The following JCAD variants were observed in gnomAD, a reference collection of about 807,000 sequenced individuals.
JCAD encodes the protein junctional cadherin 5-associated protein.
Under a neutral mutation model 98.0 loss-of-function variants are expected in JCAD, and 40 were observed. That is an observed-to-expected ratio of 0.41 (90% CI 0.32 to 0.53). JCAD has a LOEUF of 0.53. Ranked by LOEUF, JCAD falls within the 20% of genes least tolerant of loss-of-function variation. The pLI is 0.31. For synonymous variants in JCAD, 691 were observed against 682.3 expected (o/e 1.01, Z -0.20); for missense variants, 1,705 against 1,738.1 (o/e 0.98, Z 0.34).
intron 1 of JCAD, among the ~76,000 whole-genome samples, chr10:30,053,581 A>G (rs1837511942): frequency 6.6e-6 from 1 of 151,426 alleles, no homozygotes; most frequent in African/African-American, 2.4e-5. Context: ...AAAAGAAAAG[A>G]AAAGAAAAGA....
chr10:30,058,723 GCAGAGACC>G (rs1837634231), intron 1 of JCAD, among the ~76,000 whole-genome samples: 1 of 152,028 alleles, frequency 6.6e-6, no homozygotes, highest in African/African-American at 2.4e-5. Context: ...AGATCTGAGC[GCAGAGACC>G]CTAGGAGGGC....
At chr10:30,060,110 T>TACACAC (rs3074761), upstream of JCAD, among the ~76,000 whole-genome samples, 15 of 150,084 alleles carry the variant, frequency 1.0e-4, no homozygotes, top group African/African-American at 3.4e-4. Context: ...AGTATGGCTA[T>TACACAC]ACACACACAC....
At position 30,027,554 on chromosome 10, in the gene JCAD, T is replaced by G. The variant is rs375620035; in HGVS notation, c.2594A>C (p.Glu865Ala). 3 of 1,613,824 alleles carry G rather than the reference T, an allele frequency of 1.9e-6. No individual in the cohort carries two copies. The highest frequency in any genetic ancestry group is 1.3e-5 in the African/African-American group (1 of 74,940). ...GTGAGCACGGTTCTCCTGCTGCGGCTCCGCCTCACTCTCCTCACTGCTGCT... is the reference window on the plus strand; with the variant it reads ...GTGAGCACGGTTCTCCTGCTGCGGCGCCGCCTCACTCTCCTCACTGCTGCT... ...SSSSSEESEA[E>A]PQQENRAHCR... Residue 865 changes from glutamate (E) to alanine (A), a missense_variant, in exon 3 of 4, where the codon GAG becomes GCG. Transcript: ENST00000375377.
chr10:30,052,305 C>G (rs1250378215), intron 1 of JCAD, among the ~76,000 whole-genome samples: 1 of 152,212 alleles, frequency 6.6e-6, no homozygotes, highest in Non-Finnish European at 1.5e-5. Context: ...GGGTCTCAGT[C>G]TTCTCCTGAA....
At chr10:30,078,331 G>A (rs1222262343) in intron 1 of JCAD, among the ~76,000 whole-genome samples, 16 of 152,206 alleles carry the variant, frequency 1.1e-4, no homozygotes, top group Admixed American at 1.0e-3. Context: ...GATTGGAATT[G>A]AAGGAAGGCA....
chr10:30,026,912 C>T lies in JCAD; in HGVS notation c.3236G>A (p.Gly1079Asp), dbSNP rs745723800. 3.7e-5 allele frequency: 59 copies of T among 1,614,004 alleles called. No homozygotes were observed. Among genetic ancestry groups the T allele is most frequent in the Non-Finnish European group, 4.3e-5 (51 of 1,180,020 alleles). ...TGCAGCCCTGGCTTGCAAGGACTCACCTGGGGGGATTTCTATTGTGCTTGC... is the reference window on the plus strand; with the variant it reads ...TGCAGCCCTGGCTTGCAAGGACTCATCTGGGGGGATTTCTATTGTGCTTGC... Reference protein sequence around the residue: ...GEASTIEIPPGESLQARAARI... With the variant: ...GEASTIEIPPDESLQARAARI... Residue 1079 changes from glycine to aspartate, a missense_variant, in exon 3 of 4, where the codon GGT (glycine) becomes GAT (aspartate). This residue lies in a region of JCAD where 1,278 missense variants were observed against 1,243.1 expected (regional missense o/e 1.03). Transcript: ENST00000375377.
intron 1 of JCAD, among the ~76,000 whole-genome samples, chr10:30,107,596 G>T (rs551738998): frequency 6.6e-6 from 1 of 152,276 alleles, no homozygotes; most frequent in Non-Finnish European, 1.5e-5. Flanking sequence ...AGCAGCCGTC[G>T]CCACTGCTCT....
intron 1 of JCAD, among the ~76,000 whole-genome samples, chr10:30,095,727 T>G (rs763147752): frequency 7.2e-5 from 11 of 152,320 alleles, no homozygotes; most frequent in Non-Finnish European, 1.0e-4. Flanking sequence ...AGTGCCTGGC[T>G]CATGAGAGAT....
At position 30,028,530 on chromosome 10, in the gene JCAD, G is replaced by A; in HGVS notation, c.1618C>T (p.Gln540Ter). 2 of 1,614,214 alleles carry A rather than the reference G, an allele frequency of 1.2e-6. No individual in the cohort carries two copies. The highest frequency in any genetic ancestry group is 1.7e-6 in the Non-Finnish European group (2 of 1,180,046). ...RGSQHGHTGRQVSSPYSQGES... is the reference protein window; with the variant it reads ...RGSQHGHTGR Reference sequence around the variant, plus strand: ...CCCTGTGAGTAAGGGGAGGAAACTTGTCTTCCAGTGTGCCCGTGCTGGCTG... The same window carrying A: ...CCCTGTGAGTAAGGGGAGGAAACTTATCTTCCAGTGTGCCCGTGCTGGCTG... Residue 540 changes from glutamine to a stop codon, truncating the protein, a stop_gained, in exon 3 of 4, where the codon CAA becomes TAA. Transcript: ENST00000375377. LOFTEE classifies it high-confidence loss of function.
chr10:30,084,815 A>G (rs1364256629), intron 1 of JCAD, among the ~76,000 whole-genome samples: 1 of 151,830 alleles, frequency 6.6e-6, no homozygotes, highest in African/African-American at 2.4e-5. Context: ...CTATCTATCT[A>G]TCTATCTATC....
At chr10:30,075,977 C>T (rs1407622257) in intron 1 of JCAD, among the ~76,000 whole-genome samples, 2 of 152,068 alleles carry the variant, frequency 1.3e-5, no homozygotes, top group African/African-American at 4.8e-5. Flanking sequence ...CTGATGCTTC[C>T]TGAGGCATAT....
At chr10:30,101,709 A>G (rs1197544800) in intron 1 of JCAD, among the ~76,000 whole-genome samples, 1 of 152,058 alleles carries the variant, frequency 6.6e-6, no homozygotes, top group African/African-American at 2.4e-5. Flanking sequence ...GGAGGGGTCC[A>G]TTCAGGTGGT....
At chr10:30,063,987 A>C (rs1837745172), upstream of JCAD, among the ~76,000 whole-genome samples, 1 of 152,064 alleles carries the variant, frequency 6.6e-6, no homozygotes, top group Non-Finnish European at 1.5e-5. Context: ...TTGCATTTTT[A>C]GTAGAGTTGG....
intron 1 of JCAD, among the ~76,000 whole-genome samples, chr10:30,106,634 G>T (rs146655510): frequency 0.01 from 1,570 of 152,240 alleles, 22 homozygotes; most frequent in Middle Eastern, 0.054. Flanking sequence ...CTGAGTAGCT[G>T]GGGTTACAGG....
chr10:30,053,573 AAG>A (rs1837511673), intron 1 of JCAD, among the ~76,000 whole-genome samples: 2 of 151,192 alleles, frequency 1.3e-5, no homozygotes, highest in South Asian at 2.1e-4. Flanking sequence ...AAAAAAAGAA[AAG>A]AAAAGAAAAG....
intron 2 of JCAD, among the ~76,000 whole-genome samples, chr10:30,037,343 G>T (rs548498933): frequency 6.6e-6 from 1 of 152,330 alleles, no homozygotes; most frequent in South Asian, 2.1e-4. Flanking sequence ...GTCCGGAGAA[G>T]ATGAAGACTG....
intron 1 of JCAD, among the ~76,000 whole-genome samples, chr10:30,107,888 CCTTAAAA>C (rs1316079341): frequency 2.6e-5 from 4 of 152,044 alleles, no homozygotes; most frequent in Non-Finnish European, 5.9e-5. Context: ...AGAACAGCTA[CCTTAAAA>C]CTTAAAAAAA....
intron 3 of JCAD, 70 bp from the exon 4 acceptor site, chr10:30,017,987 A>C: frequency 1.6e-6 from 2 of 1,230,010 alleles, no homozygotes; most frequent in Non-Finnish European, 2.3e-6. Flanking sequence ...TAATCCTTAG[A>C]CCACGAATTT....
chr10:30,087,115 C>T (rs1838178895), intron 1 of JCAD, among the ~76,000 whole-genome samples: 1 of 152,110 alleles, frequency 6.6e-6, no homozygotes, highest in Admixed American at 6.6e-5. Context: ...AAACTCTACC[C>T]CAGGCAAAGA....
Sources: gnomAD v4.1 joint callset for allele counts (sites outside exome capture counted in the v4.1 genomes callset) on GRCh38, gnomAD v4.1.1 for gene constraint, gnomAD v4.1.1 regional missense constraint, MANE v1.5 for transcripts, NCBI Gene and HGNC (gene_info 2026-07-23, HGNC 2026-07-21) for gene names.